ZNF609: variants seen among roughly 807,000 people sequenced by gnomAD.
ZNF609 encodes the protein zinc finger protein 609.
ZNF609 carries 11 observed loss-of-function variants against 109.5 expected under a neutral mutation model. The observed-to-expected ratio is 0.10, with a 90% CI of 0.06 to 0.17. ZNF609 has a LOEUF of 0.17. Ranked by LOEUF, ZNF609 falls within the 10% of genes least tolerant of loss-of-function variation. The pLI is 1.00. For synonymous variants in ZNF609, 646 were observed against 662.0 expected, an observed-to-expected ratio of 0.98 and a Z score of 0.37; for missense variants, 1,559 against 1,772.4, an observed-to-expected ratio of 0.88 and a Z score of 2.16.
chr15:64,524,603 C>T (rs1001268172), intron 2 of ZNF609, among the ~76,000 whole-genome samples: 2 of 151,256 alleles, frequency 1.3e-5, no homozygotes, highest in Non-Finnish European at 2.9e-5. Flanking sequence ...GTGTCTGACT[C>T]CTTTCACTTA....
In ZNF609 at chr15:64,598,116, A is replaced by G. The variant is rs1000744064; in HGVS notation, c.748-24711A>G. ...CTTCCAGATCTAAACCTCTAATTCT[A>G]TCTGCTTTGTTTTGTTTTGAGATAG... is the stretch of plus-strand genomic sequence containing the variant. On this transcript the variant is annotated intron_variant, in intron 2 of 9. Transcript: ENST00000326648. 7.9e-5 allele frequency among the ~76,000 whole-genome samples: 12 copies of G among 152,216 alleles called. No homozygotes were observed. The South Asian group carries it at 1.7e-3, about 21-fold the overall frequency.
chr15:64,546,650 T>A (rs186857068), intron 2 of ZNF609, among the ~76,000 whole-genome samples: 2 of 152,020 alleles, frequency 1.3e-5, no homozygotes, highest in South Asian at 2.1e-4. Flanking sequence ...TTTTTAAATT[T>A]TTTTGTAGTG....
intron 1 of ZNF609, among the ~76,000 whole-genome samples, chr15:64,497,983 C>G (rs1252470936): frequency 6.6e-6 from 1 of 151,864 alleles, no homozygotes; most frequent in African/African-American, 2.4e-5. Flanking sequence ...TTGGCTTTAT[C>G]ATAAAATAAT....
chr15:64,474,805 C>T (rs904327224), intron 1 of ZNF609, among the ~76,000 whole-genome samples: 4 of 152,080 alleles, frequency 2.6e-5, no homozygotes, highest in Non-Finnish European at 5.9e-5. Context: ...CAGCGTAGAC[C>T]TTTAAAATTA....
chr15:64,517,214 A>G (rs1216105121), intron 2 of ZNF609, among the ~76,000 whole-genome samples: 1 of 152,060 alleles, frequency 6.6e-6, no homozygotes, highest in African/African-American at 2.4e-5. Context: ...CATGTCTACT[A>G]AAAAATACAA....
intron 9 of ZNF609, 64 bp from the exon 10 acceptor site, chr15:64,681,628 C>A: frequency 2.6e-6 from 1 of 390,436 alleles, no homozygotes; most frequent in South Asian, 7.9e-5. Flanking sequence ...TCTTGGAGTG[C>A]CACCTTGTGG....
At chr15:64,494,963 T>C (rs1457983533) in intron 1 of ZNF609, among the ~76,000 whole-genome samples, 1 of 152,220 alleles carries the variant, frequency 6.6e-6, no homozygotes, top group East Asian at 1.9e-4. Flanking sequence ...TAGTACATCC[T>C]TTCAGTTTAT....
intron 3 of ZNF609, chr15:64,631,909 G>A (rs1315480422): frequency 6.5e-6 from 1 of 154,848 alleles, no homozygotes; most frequent in Non-Finnish European, 1.4e-5. Context: ...TAACCTTTGT[G>A]TTTGTCCACT....
chr15:64,627,226 C>G (rs939818193), intron 3 of ZNF609, among the ~76,000 whole-genome samples: 5 of 151,914 alleles, frequency 3.3e-5, no homozygotes, highest in Non-Finnish European at 4.4e-5. Context: ...ACAAAACTAC[C>G]AAGTCTATTC....
chr15:64,490,012 G>A (rs1481098974), intron 1 of ZNF609, among the ~76,000 whole-genome samples: 1 of 152,208 alleles, frequency 6.6e-6, no homozygotes, highest in Non-Finnish European at 1.5e-5. Flanking sequence ...AGGCGGGAGT[G>A]CAGTGGCATG....
At chr15:64,599,398 G>C (rs8033262) in intron 2 of ZNF609, among the ~76,000 whole-genome samples, 6 of 151,986 alleles carry the variant, frequency 3.9e-5, no homozygotes, top group African/African-American at 1.4e-4. Context: ...TCAGTGCCTA[G>C]ACTGGTGCCT....
chr15:64,463,239 A>G (rs1892967619), intron 1 of ZNF609, among the ~76,000 whole-genome samples: 1 of 152,136 alleles, frequency 6.6e-6, no homozygotes, highest in African/African-American at 2.4e-5. Context: ...AACAAAAAAT[A>G]TAAAAAATGT....
At chr15:64,483,732 TATTA>T (rs749136111) in intron 1 of ZNF609, among the ~76,000 whole-genome samples, 1 of 152,108 alleles carries the variant, frequency 6.6e-6, no homozygotes, top group Admixed American at 6.6e-5. Flanking sequence ...ATATAAGGTG[TATTA>T]ATTATCTGAG....
intron 2 of ZNF609, among the ~76,000 whole-genome samples, chr15:64,535,040 C>CAA (rs761161406): frequency 4.5e-5 from 6 of 133,420 alleles, no homozygotes; most frequent in South Asian, 2.4e-4. Flanking sequence ...ACTCCGTCTC[C>CAA]AAAAAAAAAA....
At position 64,568,596 on chromosome 15, in the gene ZNF609, A is replaced by G. The variant is rs1006137447; in HGVS notation, c.748-54231A>G. ...TTCTGGTGTGCATCCATGATTAAGA[A>G]TCACAACTGTAGGTCCTATTAATCT... is the stretch of plus-strand genomic sequence containing the variant. On this transcript the variant is annotated intron_variant, in intron 2 of 9. Transcript: ENST00000326648. Among the ~76,000 whole-genome samples the G allele has an allele frequency of 2.8e-4, 42 of 152,344 alleles. 1 individual carries two copies. Among genetic ancestry groups the G allele is most frequent in the African/African-American group, 1.0e-3 (42 of 41,586 alleles).
intron 2 of ZNF609, among the ~76,000 whole-genome samples, chr15:64,597,465 G>T (rs1163728175): frequency 6.6e-6 from 1 of 152,106 alleles, no homozygotes; most frequent in Non-Finnish European, 1.5e-5. Flanking sequence ...CTGCATCCTT[G>T]GGGTGGGAAC....
intron 3 of ZNF609, among the ~76,000 whole-genome samples, chr15:64,662,323 A>G (rs892498971): frequency 1.3e-5 from 2 of 152,100 alleles, no homozygotes; most frequent in Non-Finnish European, 2.9e-5. Context: ...CTCACACTCC[A>G]GGGGATGAGA....
intron 2 of ZNF609, among the ~76,000 whole-genome samples, chr15:64,538,598 G>T (rs1409339796): frequency 6.6e-6 from 1 of 152,204 alleles, no homozygotes; most frequent in East Asian, 1.9e-4. Context: ...ACAGGCTGGG[G>T]TGCAGTGGGG....
intron 2 of ZNF609, among the ~76,000 whole-genome samples, chr15:64,522,369 C>T (rs1374306019): frequency 6.6e-6 from 1 of 152,144 alleles, no homozygotes; most frequent in Non-Finnish European, 1.5e-5. Context: ...TCAGGACTGG[C>T]TTGGGCATGA....
Sources: gnomAD v4.1 joint callset for allele counts (sites outside exome capture counted in the v4.1 genomes callset) on GRCh38, gnomAD v4.1.1 for gene constraint, MANE v1.5 for transcripts, NCBI Gene and HGNC (gene_info 2026-07-23, HGNC 2026-07-21) for gene names.